Variants in NXPH1 observed in about 807,000 individuals in gnomAD.
NXPH1 encodes neurexophilin-1.
In NXPH1, 5 loss-of-function variants were observed where a neutral mutation model predicts 23.7. The observed-to-expected ratio is 0.21, with a 90% CI of 0.11 to 0.44. The LOEUF (loss-of-function observed/expected upper bound fraction) is 0.44. Among genes scored for constraint, NXPH1 ranks in the 20% least tolerant of loss-of-function variants. The probability of loss-of-function intolerance (pLI) is 0.99; values close to 1 mark genes in which losing one functional copy is unlikely to be tolerated. For synonymous variants in NXPH1, 144 were observed against 122.2 expected (o/e 1.18, Z -1.18); for missense variants, 324 against 321.6 (o/e 1.01, Z -0.06).
At chr7:8,485,275 C>T (rs1164280121) in intron 2 of NXPH1, among the ~76,000 whole-genome samples, 2 of 152,118 alleles carry the variant, frequency 1.3e-5, no homozygotes, top group Non-Finnish European at 2.9e-5. Flanking sequence ...CCTCATTCAC[C>T]TTCTGCCATG....
At chr7:8,658,193 A>G (rs1820611963) in intron 2 of NXPH1, among the ~76,000 whole-genome samples, 2 of 152,246 alleles carry the variant, frequency 1.3e-5, no homozygotes, top group Admixed American at 1.3e-4. Flanking sequence ...TACTTTCTAC[A>G]TAAAGTTTGA....
At chr7:8,437,961 G>A (rs1008282378) in intron 2 of NXPH1, among the ~76,000 whole-genome samples, 3 of 152,204 alleles carry the variant, frequency 2.0e-5, no homozygotes, top group African/African-American at 7.2e-5. Context: ...AAGTACTTTT[G>A]TGTGTCGGGG....
At chr7:8,554,276 A>AG (rs1229929246) in intron 2 of NXPH1, among the ~76,000 whole-genome samples, 1 of 151,674 alleles carries the variant, frequency 6.6e-6, no homozygotes, top group Non-Finnish European at 1.5e-5. Flanking sequence ...AATAATAGCC[A>AG]GGGGCAATCC....
intron 2 of NXPH1, among the ~76,000 whole-genome samples, chr7:8,607,687 A>G (rs1819524330): frequency 6.6e-6 from 1 of 152,182 alleles, no homozygotes; most frequent in South Asian, 2.1e-4. Context: ...ATATGTTGCT[A>G]GACCCCTTTG....
chr7:8,675,270 TTTCTGTAATGTA>T (rs1385742598), intron 2 of NXPH1, among the ~76,000 whole-genome samples: 3 of 151,958 alleles, frequency 2.0e-5, no homozygotes, highest in African/African-American at 7.2e-5. Flanking sequence ...TATACATAAA[TTTCTGTAATGTA>T]ACATCTGTTT....
At chr7:8,522,367 G>C (rs750310255) in intron 2 of NXPH1, among the ~76,000 whole-genome samples, 3 of 152,208 alleles carry the variant, frequency 2.0e-5, no homozygotes, top group Non-Finnish European at 4.4e-5. Flanking sequence ...ATTGAGGCCT[G>C]TAAATCAGCT....
chr7:8,686,392 C>T (rs1261848576), intron 2 of NXPH1, among the ~76,000 whole-genome samples: 2 of 152,076 alleles, frequency 1.3e-5, no homozygotes, highest in African/African-American at 4.8e-5. Context: ...TCTTCAAAAT[C>T]AAAGCCTGTT....
intron 2 of NXPH1, among the ~76,000 whole-genome samples, chr7:8,475,137 A>G (rs1347956025): frequency 2.6e-5 from 4 of 152,066 alleles, no homozygotes; most frequent in Non-Finnish European, 1.5e-5. Context: ...TTTCACCTCT[A>G]CATTCCTAGA....
intron 2 of NXPH1, among the ~76,000 whole-genome samples, chr7:8,749,387 T>C (rs190241807): frequency 1.9e-4 from 29 of 151,888 alleles, no homozygotes; most frequent in African/African-American, 6.8e-4. Context: ...TTCCAGGGAG[T>C]CTGGCTCTAG....
chr7:8,722,672 G>A (rs768510566), intron 2 of NXPH1, among the ~76,000 whole-genome samples: 6 of 152,170 alleles, frequency 3.9e-5, no homozygotes, highest in Non-Finnish European at 7.3e-5. Flanking sequence ...GATTTCCAGA[G>A]CTTTGAAGCT....
intron 2 of NXPH1, among the ~76,000 whole-genome samples, chr7:8,623,621 T>C (rs1006731301): frequency 1.3e-5 from 2 of 149,760 alleles, no homozygotes; most frequent in Non-Finnish European, 3.0e-5. Context: ...TAGGTAATAT[T>C]AATGAACTGT....
intron 2 of NXPH1, among the ~76,000 whole-genome samples, chr7:8,636,436 A>G (rs913882773): frequency 1.3e-5 from 2 of 152,194 alleles, no homozygotes; most frequent in Non-Finnish European, 2.9e-5. Context: ...CTTTCTCCCC[A>G]TATTAATAGG....
rs185917103 is a variant in NXPH1 at position 8,480,840 on chromosome 7, C to A, written c.54+45073C>A. Among the ~76,000 whole-genome samples the A allele has an allele frequency of 2.4e-3, 369 of 152,256 alleles. 2 individuals are homozygous for A. Among genetic ancestry groups the A allele is most frequent in the African/African-American group, 8.5e-3 (352 of 41,570 alleles). Reference sequence around the variant, plus strand: ...ATCCTGGAAATTAAATCTTTTATTCCTTAGTGATTCACTAAGTGTTTGCAA... The same window carrying A: ...ATCCTGGAAATTAAATCTTTTATTCATTAGTGATTCACTAAGTGTTTGCAA... On this transcript the variant is annotated intron_variant, in intron 2 of 2. Coordinates refer to ENST00000405863, the MANE Select transcript of NXPH1 (RefSeq NM_152745.3).
At chr7:8,604,661 G>A (rs920992180) in intron 2 of NXPH1, among the ~76,000 whole-genome samples, 1 of 151,956 alleles carries the variant, frequency 6.6e-6, no homozygotes, top group African/African-American at 2.4e-5. Context: ...TACTATATAT[G>A]CCTTATTTGT....
At chr7:8,739,204 AC>A (rs1562471028) in intron 2 of NXPH1, among the ~76,000 whole-genome samples, 1 of 123,692 alleles carries the variant, frequency 8.1e-6, no homozygotes, top group Non-Finnish European at 1.8e-5. Flanking sequence ...AAAAAAAAAA[AC>A]CCTGCAGCTA....
rs574308519 is a variant in NXPH1, at chr7:8,653,717, T to A, written c.55-97291T>A. Among the ~76,000 whole-genome samples, 151 of 152,352 alleles carry A rather than the reference T, an allele frequency of 9.9e-4. 1 individual carries two copies. The highest frequency in any genetic ancestry group is 3.5e-3 in the African/African-American group (145 of 41,590). The stretch of plus-strand genomic sequence containing the variant: ...CTCTTGAATGCAGAAAGGCAGCCCA[T>A]CTGCTTCTTTGGGTAATTTACTTCA... On this transcript the variant is annotated intron_variant, in intron 2 of 2. Coordinates refer to ENST00000405863, the MANE Select transcript of NXPH1 (RefSeq NM_152745.3).
At chr7:8,536,102 G>T (rs951308500) in intron 2 of NXPH1, among the ~76,000 whole-genome samples, 1 of 151,956 alleles carries the variant, frequency 6.6e-6, no homozygotes, top group African/African-American at 2.4e-5. Flanking sequence ...TTTATTATCG[G>T]TCTTCCCACT....
At chr7:8,482,205 TC>T (rs1817085434) in intron 2 of NXPH1, among the ~76,000 whole-genome samples, 1 of 152,198 alleles carries the variant, frequency 6.6e-6, no homozygotes, top group South Asian at 2.1e-4. Context: ...GGAAAGTGTT[TC>T]CGTGAGCTTT....
At chr7:8,446,272 T>G (rs1485213166) in intron 2 of NXPH1, among the ~76,000 whole-genome samples, 2 of 152,204 alleles carry the variant, frequency 1.3e-5, no homozygotes, top group Non-Finnish European at 2.9e-5. Flanking sequence ...AATCATGGGT[T>G]GTCCCTTCTT....
Sources: gnomAD v4.1 joint callset for allele counts (sites outside exome capture counted in the v4.1 genomes callset) on GRCh38, gnomAD v4.1.1 for gene constraint, MANE v1.5 for transcripts, NCBI Gene and HGNC (gene_info 2026-07-23, HGNC 2026-07-21) for gene names.